The following APBA2 variants were observed in gnomAD, a reference collection of about 807,000 sequenced individuals.
The protein encoded by APBA2 is amyloid-beta A4 precursor protein-binding family A member 2.
Under a neutral mutation model 75.0 loss-of-function variants are expected in APBA2, and 30 were observed. The observed-to-expected ratio is 0.40, with a 90% CI of 0.30 to 0.54. The LOEUF is 0.54. Among genes scored for constraint, APBA2 ranks in the 20% least tolerant of loss-of-function variants. The probability of loss-of-function intolerance (pLI) is 0.49; values close to 1 mark genes in which losing one functional copy is unlikely to be tolerated. For synonymous variants in APBA2, 444 were observed against 409.6 expected (o/e 1.08, Z -1.01); for missense variants, 801 against 1,016.1 (o/e 0.79, Z 2.88).
At chr15:28,929,601 G>T (rs1595481843) in intron 2 of APBA2, among the ~76,000 whole-genome samples, 1 of 152,142 alleles carries the variant, frequency 6.6e-6, no homozygotes, top group South Asian at 2.1e-4. Context: ...GAAGAAGGGG[G>T]TTTTTCTGTG....
chr15:28,934,102 G>A (rs889666697), intron 2 of APBA2, among the ~76,000 whole-genome samples: 15 of 152,100 alleles, frequency 9.9e-5, no homozygotes, highest in African/African-American at 3.6e-4. Flanking sequence ...GAGAAGAGAC[G>A]GGGGTGGAGG....
Position 29,054,026 on chromosome 15 carries a change from C to T in APBA2, c.142C>T (p.Leu48=). Residue 48 remains leucine (L), a synonymous_variant, in exon 4 of 15, where the codon CTG becomes TTG. Transcript: ENST00000683413. The surrounding 1 kb of genome is among the most constrained non-coding windows in gnomAD (Gnocchi z 6.1). ...LEGYVPEGLE[L]AALRPESPAP... Reference sequence around the variant, plus strand: ...GGGCTATGTGCCCGAGGGCCTGGAGCTGGCTGCCCTGCGGCCAGAGAGCCC... The same window carrying T: ...GGGCTATGTGCCCGAGGGCCTGGAGTTGGCTGCCCTGCGGCCAGAGAGCCC... 1 of 1,613,842 alleles carries T rather than the reference C, an allele frequency of 6.2e-7. No individual in the cohort carries two copies. The highest frequency in any genetic ancestry group is 1.1e-5 in the South Asian group (1 of 91,070).
At chr15:28,908,373 C>T (rs1178510922) in intron 1 of APBA2, among the ~76,000 whole-genome samples, 5 of 150,716 alleles carry the variant, frequency 3.3e-5, no homozygotes, top group African/African-American at 1.2e-4. Flanking sequence ...TACAGTGGCG[C>T]AATCTCGGCT....
chr15:29,105,268 T>C (rs2044335800), intron 10 of APBA2, 111 bp from the exon 11 acceptor site: 1 of 1,112,360 alleles, frequency 9.0e-7, no homozygotes, highest in Non-Finnish European at 1.3e-6. Context: ...AGGGCTCCCT[T>C]GAAGGCTTAT....
intron 2 of APBA2, among the ~76,000 whole-genome samples, chr15:28,977,719 G>A (rs961366632): frequency 2.0e-4 from 31 of 152,214 alleles, no homozygotes; most frequent in Non-Finnish European, 3.7e-4. Flanking sequence ...ATGTGTACAT[G>A]TCTGGGCCTA....
At chr15:29,094,421 C>A in intron 8 of APBA2, 108 bp downstream of exon 8, 28 of 1,073,320 alleles carry the variant, frequency 2.6e-5, no homozygotes, top group Non-Finnish European at 3.9e-5. Flanking sequence ...AATAATGTTG[C>A]AAAGCAGCTT....
chr15:28,909,731 T>C (rs2152647456), intron 1 of APBA2, among the ~76,000 whole-genome samples: 1 of 152,300 alleles, frequency 6.6e-6, no homozygotes, highest in Non-Finnish European at 1.5e-5. Context: ...AGCAGCAACA[T>C]GCCACGTTAG....
At chr15:28,888,520 C>T (rs769905515) in intron 1 of APBA2, among the ~76,000 whole-genome samples, 30 of 152,318 alleles carry the variant, frequency 2.0e-4, no homozygotes, top group Non-Finnish European at 4.1e-4. Context: ...TCCTCTGCCA[C>T]GCATACCTGC....
intron 2 of APBA2, among the ~76,000 whole-genome samples, chr15:28,943,143 G>A (rs1011474007): frequency 6.6e-6 from 1 of 152,196 alleles, no homozygotes; most frequent in Non-Finnish European, 1.5e-5. Flanking sequence ...GAGGCCACAG[G>A]GTTGTCTGTG....
chr15:29,110,270 TGAG>T (rs540058486), intron 13 of APBA2, among the ~76,000 whole-genome samples: 152 of 152,218 alleles, frequency 1.0e-3, no homozygotes, highest in African/African-American at 3.6e-3. Flanking sequence ...GCAGCCCTCA[TGAG>T]GAGCCGTGCT....
intron 6 of APBA2, among the ~76,000 whole-genome samples, chr15:29,087,240 T>C (rs1252995419): frequency 6.6e-6 from 1 of 152,110 alleles, no homozygotes; most frequent in Non-Finnish European, 1.5e-5. Context: ...GCATATGCTT[T>C]TTCCCATTTT....
chr15:29,068,938 C>A (rs1273564963), intron 4 of APBA2, among the ~76,000 whole-genome samples: 1 of 152,194 alleles, frequency 6.6e-6, no homozygotes. Context: ...TGTTGTGCAA[C>A]CACCTCTGCT....
chr15:28,947,264 C>A (rs192619801), intron 2 of APBA2, among the ~76,000 whole-genome samples: 10 of 152,274 alleles, frequency 6.6e-5, no homozygotes, highest in African/African-American at 2.4e-4. Flanking sequence ...AGTGACAGGA[C>A]CTGCAGTGGG....
chr15:29,106,461 C>A (rs2044409627), intron 11 of APBA2, 146 bp from the exon 12 acceptor site: 4 of 913,746 alleles, frequency 4.4e-6, no homozygotes, highest in African/African-American at 1.6e-5. Flanking sequence ...CAGCCCAAGA[C>A]CTCTCCTGGC....
intron 3 of APBA2, among the ~76,000 whole-genome samples, chr15:29,044,019 T>C (rs76627439): frequency 3.3e-5 from 5 of 152,328 alleles, no homozygotes; most frequent in African/African-American, 4.8e-5. Flanking sequence ...AAATTATATT[T>C]GAAAGGAACA....
intron 1 of APBA2, among the ~76,000 whole-genome samples, chr15:28,901,312 G>A (rs2032837276): frequency 6.6e-6 from 1 of 152,156 alleles, no homozygotes. Flanking sequence ...CCAGCTCTGG[G>A]GTTTGGGGTT....
intron 1 of APBA2, among the ~76,000 whole-genome samples, chr15:28,893,591 G>A (rs1250507103): frequency 6.6e-6 from 1 of 152,210 alleles, no homozygotes; most frequent in African/African-American, 2.4e-5. Flanking sequence ...TAGTAGAAGT[G>A]CCTTTCTTTT....
intron 8 of APBA2, among the ~76,000 whole-genome samples, chr15:29,097,112 T>C (rs147030194): frequency 2.5e-4 from 38 of 152,312 alleles, no homozygotes; most frequent in Non-Finnish European, 3.8e-4. Context: ...CAGGGCTCAG[T>C]CCCCCAAGGA....
intron 3 of APBA2, among the ~76,000 whole-genome samples, chr15:29,018,690 G>A (rs1482525226): frequency 6.6e-6 from 1 of 152,206 alleles, no homozygotes; most frequent in Admixed American, 6.5e-5. Flanking sequence ...CTCTCATGAA[G>A]CCAACTGTTC....
Sources: allele counts gnomAD v4.1 joint callset (sites outside exome capture counted in the v4.1 genomes callset), GRCh38; gene constraint gnomAD v4.1.1; non-coding constraint Gnocchi (gnomAD v3.1); transcripts MANE v1.5; gene names NCBI Gene and HGNC (gene_info 2026-07-23, HGNC 2026-07-21).